Variants in BMF observed in about 807,000 individuals in gnomAD.
The protein encoded by BMF is bcl-2-modifying factor.
A neutral mutation model predicts 22.0 loss-of-function variants in BMF; 10 were observed. That is an observed-to-expected ratio of 0.45 (90% CI 0.28 to 0.77). The LOEUF (loss-of-function observed/expected upper bound fraction) is 0.77. Ranked by LOEUF, BMF falls within the 30% of genes least tolerant of loss-of-function variation. The pLI, the probability that BMF is intolerant of heterozygous loss-of-function variation, is 0.13. For synonymous variants in BMF, 87 were observed against 88.1 expected (o/e 0.99, Z 0.07); for missense variants, 206 against 226.8 (o/e 0.91, Z 0.59).
chr15:40,103,664 G>C (rs895250549), intron 4 of BMF, among the ~76,000 whole-genome samples: 2 of 152,236 alleles, frequency 1.3e-5, no homozygotes, highest in African/African-American at 4.8e-5. Context: ...TTCCCAGACA[G>C]AGACAGTGAG....
chr15:40,107,607 C>G (rs2036615957), intron 2 of BMF, among the ~76,000 whole-genome samples: 1 of 150,632 alleles, frequency 6.6e-6, no homozygotes, highest in South Asian at 2.1e-4. Flanking sequence ...TGCACTCCAG[C>G]TTATTAACAA....
Position 40,091,572 on chromosome 15 carries a change from T to G in BMF, c.*215A>C, listed in dbSNP as rs1428144352. ...ACATCAGCCTCTCCTTCAACAGTGT[T>G]TGACAAAGGCCCCCATTCCAGGTCA... On this transcript the variant is annotated 3_prime_UTR_variant, in exon 5 of 5. Transcript: ENST00000354670. The G allele has an allele frequency of 7.7e-6, 4 of 522,484 alleles. No homozygotes were observed. The highest frequency in any genetic ancestry group is 7.6e-5 in the African/African-American group (4 of 52,720). The allele number at this position is 522,484 out of a possible 1,614,324, so 32.4% of individuals were successfully genotyped here. A position where few individuals can be genotyped will look rare whatever the true frequency, so the allele number is the denominator to read the frequency against.
rs1221078531 is a variant in BMF, at chr15:40,108,363, T to C, written c.-110A>G. 1 of 152,702 alleles carries C rather than the reference T, an allele frequency of 6.5e-6. No homozygotes were observed. Among genetic ancestry groups the C allele is most frequent in the Non-Finnish European group, 1.5e-5 (1 of 68,170 alleles). The allele number at this position is 152,702 out of a possible 1,614,324, so 9.5% of individuals were successfully genotyped here. A position where few individuals can be genotyped will look rare whatever the true frequency, so the allele number is the denominator to read the frequency against. On this transcript the variant is annotated 5_prime_UTR_variant, in exon 2 of 5. Coordinates refer to ENST00000354670, the MANE Select transcript of BMF (RefSeq NM_001003940.2). ...TCGGGGGCTGGACGCCCAGACTCGA[T>C]TGGGAAGGAGGGAAAAAGCCCAGCT...
In BMF at chr15:40,091,543, A is replaced by C; in HGVS notation, c.*244T>G. 1 of 446,452 alleles carries C rather than the reference A, an allele frequency of 2.2e-6. No homozygotes were observed. The highest frequency in any genetic ancestry group is 3.4e-5 in the East Asian group (1 of 29,302). The allele number at this position is 446,452 out of a possible 1,614,324, so 27.7% of individuals were successfully genotyped here. A position where few individuals can be genotyped will look rare whatever the true frequency, so the allele number is the denominator to read the frequency against. ...AGCCCTTGGGAATTCTCACCATCAC[A>C]GACACATCAGCCTCTCCTTCAACAG... On this transcript the variant is annotated 3_prime_UTR_variant, in exon 5 of 5. Coordinates refer to ENST00000354670, the MANE Select transcript of BMF (RefSeq NM_001003940.2).
intron 4 of BMF, among the ~76,000 whole-genome samples, chr15:40,098,068 A>G (rs2036402505): frequency 6.6e-6 from 1 of 152,210 alleles, no homozygotes; most frequent in Non-Finnish European, 1.5e-5. Flanking sequence ...GAAAAGGAAA[A>G]AAAAGACTCC....
chr15:40,102,463 G>A (rs2036498690), intron 4 of BMF, among the ~76,000 whole-genome samples: 1 of 150,720 alleles, frequency 6.6e-6, no homozygotes, highest in Non-Finnish European at 1.5e-5. Flanking sequence ...TTGGGATAAG[G>A]GCCTCCTCCT....
At chr15:40,098,472 C>T (rs1042096887) in intron 4 of BMF, among the ~76,000 whole-genome samples, 2 of 149,580 alleles carry the variant, frequency 1.3e-5, no homozygotes, top group Non-Finnish European at 3.0e-5. Context: ...GGAGGGGGTT[C>T]GGGGGACAAG....
intron 4 of BMF, among the ~76,000 whole-genome samples, chr15:40,095,066 C>G (rs1188080247): frequency 6.6e-6 from 1 of 152,200 alleles, no homozygotes; most frequent in African/African-American, 2.4e-5. Context: ...GATTACAACT[C>G]AGAGCTCCAA....
chr15:40,096,345 GCT>G (rs2036360875), intron 4 of BMF, among the ~76,000 whole-genome samples: 1 of 152,138 alleles, frequency 6.6e-6, no homozygotes, highest in Admixed American at 6.5e-5. Context: ...CCCTCTGGGG[GCT>G]CTGTGTGTCA....
chr15:40,106,182 C>A lies in BMF; in HGVS notation c.-5-91G>T. On this transcript the variant is annotated intron_variant, in intron 2 of 4. Transcript: ENST00000354670. The surrounding 1 kb of genome is among the most constrained non-coding windows in gnomAD (Gnocchi z 4.1). ...CTTCCCTTCTTCCTACCATACTCCC[C>A]CTTCTTATTTGAGCTGGCCGGACCA... is the stretch of plus-strand genomic sequence containing the variant. 2.1e-6 allele frequency: 3 copies of A among 1,416,548 alleles called. No individual in the cohort carries two copies. Among genetic ancestry groups the A allele is most frequent in the Non-Finnish European group, 2.8e-6 (3 of 1,067,072 alleles). The allele number at this position is 1,416,548 out of a possible 1,614,324, so 87.7% of individuals were successfully genotyped here.
intron 2 of BMF, among the ~76,000 whole-genome samples, chr15:40,107,533 A>T (rs1378003153): frequency 2.2e-5 from 3 of 137,508 alleles, no homozygotes; most frequent in African/African-American, 5.6e-5. Flanking sequence ...GTGTTTCCCA[A>T]GTGTGTGTGT....
At chr15:40,102,248 G>A (rs930834835) in intron 4 of BMF, among the ~76,000 whole-genome samples, 2 of 151,956 alleles carry the variant, frequency 1.3e-5, no homozygotes, top group Admixed American at 6.5e-5. Flanking sequence ...GGCTGACATG[G>A]CGAAACCCCG....
At chr15:40,092,402 G>A (rs574621640) in intron 4 of BMF, among the ~76,000 whole-genome samples, 9 of 152,212 alleles carry the variant, frequency 5.9e-5, no homozygotes, top group South Asian at 2.1e-4. Flanking sequence ...CCACACTGCT[G>A]AGGCAGCAAA....
At chr15:40,107,286 G>T (rs967797612) in intron 2 of BMF, among the ~76,000 whole-genome samples, 3 of 152,208 alleles carry the variant, frequency 2.0e-5, no homozygotes, top group African/African-American at 7.2e-5. Context: ...CTAGTCTCTT[G>T]CCTTTGAAGA....
At chr15:40,101,527 GC>G (rs780030005) in intron 4 of BMF, among the ~76,000 whole-genome samples, 3 of 152,128 alleles carry the variant, frequency 2.0e-5, no homozygotes, top group Non-Finnish European at 4.4e-5. Context: ...TTCTCTGCCT[GC>G]AAAAATGAGG....
intron 4 of BMF, among the ~76,000 whole-genome samples, chr15:40,101,206 G>A (rs1279956568): frequency 1.3e-5 from 2 of 152,138 alleles, no homozygotes; most frequent in Admixed American, 1.3e-4. Context: ...AGGTGGAGTG[G>A]GAAATGAATT....
intron 4 of BMF, among the ~76,000 whole-genome samples, chr15:40,103,310 C>G (rs973365924): frequency 3.9e-5 from 6 of 152,258 alleles, no homozygotes; most frequent in Non-Finnish European, 7.3e-5. Context: ...TCAGCTGTGG[C>G]TGTACCAGCA....
intron 3 of BMF, among the ~76,000 whole-genome samples, chr15:40,105,436 T>C (rs573988701): frequency 1.4e-4 from 22 of 152,294 alleles, no homozygotes; most frequent in African/African-American, 5.1e-4. Flanking sequence ...GTTTTTCCCT[T>C]CATTGTCAAC....
chr15:40,105,060 A>C (rs1348138500), intron 3 of BMF, among the ~76,000 whole-genome samples: 1 of 152,200 alleles, frequency 6.6e-6, no homozygotes, highest in African/African-American at 2.4e-5. Context: ...CTGCTTTGCC[A>C]GAACTGCCCT....
Sources: allele counts gnomAD v4.1 joint callset (sites outside exome capture counted in the v4.1 genomes callset), GRCh38; gene constraint gnomAD v4.1.1; non-coding constraint Gnocchi (gnomAD v3.1); transcripts MANE v1.5; gene names NCBI Gene and HGNC (gene_info 2026-07-23, HGNC 2026-07-21).